ZNF423: variants seen among roughly 807,000 people sequenced by gnomAD.
ZNF423 encodes Ebf-associated zinc finger protein.
ZNF423 carries 12 observed loss-of-function variants against 95.8 expected under a neutral mutation model. The observed-to-expected ratio is 0.13, with a 90% CI of 0.08 to 0.20. The LOEUF is 0.20. ZNF423 is among the 10% of genes least tolerant of loss of function. The probability of loss-of-function intolerance (pLI) is 1.00; values close to 1 mark genes in which losing one functional copy is unlikely to be tolerated. For missense variants in ZNF423, 1,316 were observed against 1,737.1 expected (o/e 0.76, Z 4.31); for synonymous variants, 749 against 711.9 (o/e 1.05, Z -0.83).
intron 5 of ZNF423, among the ~76,000 whole-genome samples, chr16:49,534,162 A>T (rs538370380): frequency 2.6e-5 from 4 of 152,314 alleles, no homozygotes; most frequent in South Asian, 4.1e-4. Flanking sequence ...AAAAATTTTT[A>T]AAATTAAAAA....
intron 3 of ZNF423, among the ~76,000 whole-genome samples, chr16:49,639,414 G>A (rs1972893742): frequency 6.6e-6 from 1 of 152,180 alleles, no homozygotes; most frequent in Non-Finnish European, 1.5e-5. Context: ...CATTCTCTGG[G>A]TATGGGTGGA....
Position 49,759,541 on chromosome 16 carries a change from G to A in ZNF423, c.101-28570C>T, listed in dbSNP as rs991048013. Among the ~76,000 whole-genome samples, 3 of 152,216 alleles carry A rather than the reference G, an allele frequency of 2.0e-5. No individual in the cohort carries two copies. In the East Asian group the frequency reaches 5.8e-4, roughly 29 times the overall value. ...CTACAGACCCTAACAGACAACCCTG[G>A]CGGGACCACAGCAGCCTCAGGAGCA... is the stretch of plus-strand genomic sequence containing the variant. On this transcript the variant is annotated intron_variant, in intron 2 of 7. Transcript: ENST00000563137.
intron 2 of ZNF423, among the ~76,000 whole-genome samples, chr16:49,733,840 G>A (rs2033224424): frequency 6.6e-6 from 1 of 152,180 alleles, no homozygotes; most frequent in African/African-American, 2.4e-5. Flanking sequence ...TGGAGAACAG[G>A]AAGGCCTCCA....
intron 2 of ZNF423, chr16:49,780,579 C>CACCACCTG (rs1181315485): frequency 1.3e-5 from 2 of 152,300 alleles, no homozygotes; most frequent in Non-Finnish European, 2.9e-5. Flanking sequence ...CAGCTCCAGT[C>CACCACCTG]ACCACCTGAC....
chr16:49,667,867 C>T (rs2030617996), intron 3 of ZNF423, among the ~76,000 whole-genome samples: 1 of 152,166 alleles, frequency 6.6e-6, no homozygotes, highest in Non-Finnish European at 1.5e-5. Context: ...GCCTGGGCAA[C>T]AGAGTGAGAC....
At chr16:49,857,306 T>TGGCGGCGGCGGCGGC (rs59062897), upstream of ZNF423, among the ~76,000 whole-genome samples, 24 of 144,466 alleles carry the variant, frequency 1.7e-4, no homozygotes, top group East Asian at 2.9e-3. This position sits in a 1 kb window ranked among gnomAD's most constrained non-coding sequence, Gnocchi z 6.2. Context: ...CGGACCGTGG[T>TGGCGGCGGCGGCGGC]GGCGGCGGCG....
chr16:49,518,044 G>A, intron 7 of ZNF423: 1 of 452,142 alleles, frequency 2.2e-6, no homozygotes. Flanking sequence ...GATGATATTG[G>A]CGGCTCACAA....
At chr16:49,820,025 G>A (rs2034915929) in intron 1 of ZNF423, among the ~76,000 whole-genome samples, 1 of 151,276 alleles carries the variant, frequency 6.6e-6, no homozygotes, top group Admixed American at 6.6e-5. Context: ...TTGTTGAATA[G>A]GTGGATGGAT....
At chr16:49,642,440 T>G (rs543807834) in intron 3 of ZNF423, among the ~76,000 whole-genome samples, 8 of 152,312 alleles carry the variant, frequency 5.3e-5, no homozygotes, top group African/African-American at 1.9e-4. Flanking sequence ...CTTGGCTTTA[T>G]TTTTCTGCAA....
chr16:49,763,263 G>T (rs1374935784), intron 2 of ZNF423, among the ~76,000 whole-genome samples: 3 of 151,676 alleles, frequency 2.0e-5, no homozygotes, highest in Non-Finnish European at 2.9e-5. Context: ...TGGGTTTTTT[G>T]GTTTTTGTTT....
rs967652507 is a variant in ZNF423, at chr16:49,731,457, C to G, written c.101-486G>C. The G allele has an allele frequency of 1.0e-5, 8 of 765,358 alleles. No individual in the cohort carries two copies. In the African/African-American group the frequency reaches 1.5e-4, roughly 15 times the overall value. The allele number at this position is 765,358 out of a possible 1,614,324, so 47.4% of individuals were successfully genotyped here. On this transcript the variant is annotated intron_variant, in intron 2 of 7. Transcript: ENST00000563137. ...TGGCTCAGTTCTTTGCAAAGATGTC[C>G]AACTCTGAAATAAAGGAAGTACACA...
intron 5 of ZNF423, among the ~76,000 whole-genome samples, chr16:49,584,544 C>A (rs1363461932): frequency 6.6e-6 from 1 of 152,162 alleles, no homozygotes; most frequent in African/African-American, 2.4e-5. Context: ...GACTAGGTGA[C>A]CTAAGCAACA....
chr16:49,803,933 C>CTTT (rs535349308), intron 1 of ZNF423, among the ~76,000 whole-genome samples: 1 of 109,534 alleles, frequency 9.1e-6, no homozygotes, highest in Non-Finnish European at 1.8e-5. Flanking sequence ...GGATGAGTTT[C>CTTT]TTTTTTTTTT....
intron 1 of ZNF423, among the ~76,000 whole-genome samples, chr16:49,832,744 G>T (rs1414613101): frequency 6.6e-6 from 1 of 152,048 alleles, no homozygotes; most frequent in East Asian, 1.9e-4. Flanking sequence ...GGACATCAAT[G>T]AGTGACTTCA....
At chr16:49,800,389 G>C (rs2143893569) in intron 1 of ZNF423, among the ~76,000 whole-genome samples, 1 of 152,248 alleles carries the variant, frequency 6.6e-6, no homozygotes, top group East Asian at 1.9e-4. Context: ...CTAGACCCAG[G>C]ACAGCACACA....
chr16:49,767,086 T>C (rs756949371), intron 2 of ZNF423, among the ~76,000 whole-genome samples: 2 of 152,068 alleles, frequency 1.3e-5, no homozygotes, highest in African/African-American at 2.4e-5. Flanking sequence ...GCAGTCCTCC[T>C]ACACCACAGG....
chr16:49,711,384 T>G (rs2032538669), intron 3 of ZNF423: 1 of 152,176 alleles, frequency 6.6e-6, no homozygotes, highest in Non-Finnish European at 1.5e-5. Context: ...AGTAGGGAGA[T>G]GTACCCGCTG....
chr16:49,844,203 G>A (rs56953920), intron 1 of ZNF423, among the ~76,000 whole-genome samples: 30,633 of 151,822 alleles, frequency 0.2, 3,201 homozygotes, highest in African/African-American at 0.27. Context: ...GATAGCTTGA[G>A]CCCAGGAGTT....
chr16:49,691,388 G>A (rs1049632358), intron 3 of ZNF423, among the ~76,000 whole-genome samples: 22 of 152,304 alleles, frequency 1.4e-4, no homozygotes, highest in African/African-American at 4.6e-4. Context: ...CTGGGTGATC[G>A]TGAGCAAGTT....
Sources: gnomAD v4.1 joint callset for allele counts (sites outside exome capture counted in the v4.1 genomes callset) on GRCh38, gnomAD v4.1.1 for gene constraint, Gnocchi (gnomAD v3.1) non-coding constraint, MANE v1.5 for transcripts, NCBI Gene and HGNC (gene_info 2026-07-23, HGNC 2026-07-21) for gene names.